The following KCNH5 variants were observed in gnomAD, a reference collection of about 807,000 sequenced individuals.
KCNH5 encodes the protein potassium voltage-gated channel subfamily H member 5, also known as voltage-gated delayed rectifier potassium channel KCNH5.
In KCNH5, 46 loss-of-function variants were observed where a neutral mutation model predicts 96.1. That is an observed-to-expected ratio of 0.48 (90% CI 0.38 to 0.61). KCNH5 has a LOEUF of 0.61. KCNH5 is among the 20% of genes least tolerant of loss of function. KCNH5 has a pLI of 0.00. For missense variants in KCNH5, 907 were observed against 1,225.8 expected (o/e 0.74, Z 3.88); for synonymous variants, 439 against 449.8 (o/e 0.98, Z 0.30).
At chr14:63,032,101 C>CA (rs33955186) in intron 1 of KCNH5, among the ~76,000 whole-genome samples, 1,151 of 87,404 alleles carry the variant, frequency 0.013, 4 homozygotes, top group South Asian at 0.028. Flanking sequence ...AAGGACTTCA[C>CA]AAAAAAAAAA....
intron 6 of KCNH5, among the ~76,000 whole-genome samples, chr14:62,959,869 G>A (rs78696665): frequency 0.023 from 3,478 of 152,000 alleles, 73 homozygotes; most frequent in African/African-American, 0.063. Context: ...CTCTATCTAC[G>A]GGAGTTTCCT....
At chr14:62,892,644 C>T (rs1379451640) in intron 7 of KCNH5, among the ~76,000 whole-genome samples, 1 of 152,182 alleles carries the variant, frequency 6.6e-6, no homozygotes, top group South Asian at 2.1e-4. Context: ...TTCAAAACCT[C>T]AAACCCTCTC....
intron 8 of KCNH5, among the ~76,000 whole-genome samples, chr14:62,834,517 T>A (rs1453827276): frequency 6.6e-6 from 1 of 151,964 alleles, no homozygotes; most frequent in Non-Finnish European, 1.5e-5. Context: ...ATACTTCAGA[T>A]TTTGATGAGC....
chr14:62,890,698 C>CA (rs1277209731), intron 7 of KCNH5, among the ~76,000 whole-genome samples: 876 of 55,036 alleles, frequency 0.016, 6 homozygotes, highest in Middle Eastern at 0.044. Flanking sequence ...GACTCCGTCT[C>CA]AAAAAAAAAA....
chr14:62,918,574 C>T (rs1478525458), intron 7 of KCNH5, among the ~76,000 whole-genome samples: 1 of 151,960 alleles, frequency 6.6e-6, no homozygotes, highest in Non-Finnish European at 1.5e-5. Context: ...GGATAGAGGA[C>T]ATAGTAGGCA....
At chr14:62,746,875 T>C (rs1885386740) in intron 10 of KCNH5, among the ~76,000 whole-genome samples, 1 of 152,244 alleles carries the variant, frequency 6.6e-6, no homozygotes, top group Admixed American at 6.5e-5. Context: ...GGCCTCTCTT[T>C]ATTATGTTCT....
intron 7 of KCNH5, among the ~76,000 whole-genome samples, chr14:62,900,795 C>A (rs1888910165): frequency 1.3e-5 from 2 of 151,678 alleles, no homozygotes; most frequent in Admixed American, 6.6e-5. Flanking sequence ...AAAAAAATCC[C>A]ATAAGATAAT....
chr14:62,785,194 T>C (rs1886296291), intron 9 of KCNH5, among the ~76,000 whole-genome samples: 1 of 152,226 alleles, frequency 6.6e-6, no homozygotes, highest in African/African-American at 2.4e-5. Context: ...TCTGGGACTA[T>C]GGTCATCTTT....
chr14:62,857,232 A>C (rs1887947589), intron 7 of KCNH5, among the ~76,000 whole-genome samples: 2 of 152,212 alleles, frequency 1.3e-5, no homozygotes, highest in Admixed American at 6.5e-5. Context: ...TAATGTAACA[A>C]AGACGGAAGA....
At chr14:62,822,777 G>A (rs1011430651) in intron 8 of KCNH5, among the ~76,000 whole-genome samples, 4 of 151,750 alleles carry the variant, frequency 2.6e-5, no homozygotes, top group South Asian at 2.1e-4. Context: ...GAATTTTATC[G>A]ATCATTTTCA....
In KCNH5 at chr14:63,045,433, T is replaced by C; in HGVS notation, c.-247A>G. ...GCCGCCGCTGCCCAGACTGTGGCGG[T>C]GCCGCACACGGGGCTCGGGAACTGC... is the stretch of plus-strand genomic sequence containing the variant. On this transcript the variant is annotated 5_prime_UTR_variant, in exon 1 of 11. Transcript: ENST00000322893. The C allele has an allele frequency of 1.9e-6, 1 of 529,982 alleles. No homozygotes were observed. Among genetic ancestry groups the C allele is most frequent in the South Asian group, 2.4e-5 (1 of 41,812 alleles). The allele number at this position is 529,982 out of a possible 1,614,324, so 32.8% of individuals were successfully genotyped here.
In KCNH5 at chr14:62,708,173, C is replaced by G. The variant is rs1263578115; in HGVS notation, c.2302G>C (p.Val768Leu). The change falls in exon 11 of 11, where the codon GTG becomes CTG. Residue 768 changes from valine (V) to leucine (L), a missense_variant. By Grantham distance (32) the Val-to-Leu change is conservative. This residue lies in a region of KCNH5 where 362 missense variants were observed against 394.4 expected (regional missense o/e 0.92). Coordinates refer to ENST00000322893, the MANE Select transcript of KCNH5 (RefSeq NM_139318.5). ...TGCTTAAGGGATTCACTGGTTTTCACATAGGCCAGAGACGTCTGAATGGGA... is the reference window on the plus strand; with the variant it reads ...TGCTTAAGGGATTCACTGGTTTTCAGATAGGCCAGAGACGTCTGAATGGGA... ...ITPIQTSLAYVKTSESLKQNN... is the reference protein window; with the variant it reads ...ITPIQTSLAYLKTSESLKQNN... 3.1e-6 allele frequency: 5 copies of G among 1,614,116 alleles called. No homozygotes were observed. In the East Asian group the frequency reaches 1.1e-4, roughly 36 times the overall value.
At chr14:62,906,891 G>C (rs1379657842) in intron 7 of KCNH5, among the ~76,000 whole-genome samples, 1 of 152,114 alleles carries the variant, frequency 6.6e-6, no homozygotes, top group Non-Finnish European at 1.5e-5. Context: ...ACCCCAAAGT[G>C]TTCTCAAGTA....
At chr14:62,741,078 C>T (rs538019097) in intron 10 of KCNH5, among the ~76,000 whole-genome samples, 66 of 152,198 alleles carry the variant, frequency 4.3e-4, no homozygotes, top group Admixed American at 7.9e-4. Flanking sequence ...TTTCTAAGGG[C>T]AGCATTACAA....
At chr14:62,742,709 T>G (rs1885296605) in intron 10 of KCNH5, among the ~76,000 whole-genome samples, 1 of 151,648 alleles carries the variant, frequency 6.6e-6, no homozygotes, top group South Asian at 2.1e-4. Context: ...GGCAAAGTGA[T>G]TATGACATGA....
chr14:62,854,022 A>C (rs1019091597), intron 7 of KCNH5, among the ~76,000 whole-genome samples: 58 of 150,524 alleles, frequency 3.9e-4, no homozygotes, highest in African/African-American at 1.4e-3. Flanking sequence ...AAAAAAACAA[A>C]AAAAACAAAA....
chr14:62,811,182 C>T (rs1163424368), intron 8 of KCNH5, among the ~76,000 whole-genome samples: 2 of 152,140 alleles, frequency 1.3e-5, no homozygotes, highest in Non-Finnish European at 2.9e-5. Flanking sequence ...TATTCTCAAG[C>T]TCCAAAGATG....
At chr14:62,993,201 T>C (rs888925468) in intron 4 of KCNH5, among the ~76,000 whole-genome samples, 6 of 152,130 alleles carry the variant, frequency 3.9e-5, no homozygotes, top group African/African-American at 1.4e-4. Context: ...AGTACTGTGC[T>C]GTTTGGGTTA....
intron 2 of KCNH5, 149 bp downstream of exon 2, chr14:63,016,682 T>C (rs993286979): frequency 5.9e-6 from 4 of 683,244 alleles, no homozygotes; most frequent in South Asian, 3.6e-5. Context: ...GCTATGTGTT[T>C]CCATTGATAA....
Sources: gnomAD v4.1 joint callset for allele counts (sites outside exome capture counted in the v4.1 genomes callset) on GRCh38, gnomAD v4.1.1 for gene constraint, gnomAD v4.1.1 regional missense constraint, MANE v1.5 for transcripts, NCBI Gene and HGNC (gene_info 2026-07-23, HGNC 2026-07-21) for gene names.